CSMD1: variants seen among roughly 807,000 people sequenced by gnomAD.
The protein encoded by CSMD1 is CUB and Sushi multiple domains 1, also known as CUB and sushi domain-containing protein 1.
A neutral mutation model predicts 417.5 loss-of-function variants in CSMD1; 213 were observed. That is an observed-to-expected ratio of 0.51 (90% CI 0.46 to 0.57). The LOEUF (loss-of-function observed/expected upper bound fraction) is 0.57, where lower values mean the gene tolerates loss of function less well. CSMD1 is among the 20% of genes least tolerant of loss of function. The pLI is 0.00. For missense variants in CSMD1, 6,923 were observed against 4,529.7 expected, an observed-to-expected ratio of 1.53 and a Z score of -15.17; for synonymous variants, 2,862 against 1,736.8, an observed-to-expected ratio of 1.65 and a Z score of -16.11.
At chr8:4,712,544 TAGTA>T (rs1215303654) in intron 1 of CSMD1, among the ~76,000 whole-genome samples, 1 of 152,168 alleles carries the variant, frequency 6.6e-6, no homozygotes, top group African/African-American at 2.4e-5. Flanking sequence ...AGAGCAAAGA[TAGTA>T]AGTGAAATAG....
intron 3 of CSMD1, among the ~76,000 whole-genome samples, chr8:4,235,569 A>G (rs114515621): frequency 2.1e-3 from 314 of 152,282 alleles, no homozygotes; most frequent in African/African-American, 7.2e-3. Flanking sequence ...TTGTGCTTTT[A>G]TAAAGAATTC....
intron 2 of CSMD1, among the ~76,000 whole-genome samples, chr8:4,622,756 T>A (rs1801857306): frequency 6.6e-6 from 1 of 152,092 alleles, no homozygotes; most frequent in South Asian, 2.1e-4. Context: ...TGCAACATTG[T>A]ACTGAAGGAG....
chr8:4,840,694 C>A (rs1279475375), intron 1 of CSMD1, among the ~76,000 whole-genome samples: 1 of 152,176 alleles, frequency 6.6e-6, no homozygotes. Flanking sequence ...TCAGTGCCTG[C>A]AAGAGACAAC....
intron 7 of CSMD1, among the ~76,000 whole-genome samples, chr8:3,631,336 C>T (rs992393689): frequency 1.3e-5 from 2 of 152,286 alleles, no homozygotes; most frequent in East Asian, 3.9e-4. Context: ...CATTCTGAGT[C>T]TGCACAGAGA....
At chr8:4,092,638 T>A (rs117717635) in intron 3 of CSMD1, among the ~76,000 whole-genome samples, 1,748 of 152,314 alleles carry the variant, frequency 0.011, 14 homozygotes, top group Non-Finnish European at 0.017. Flanking sequence ...GAATTAAGAA[T>A]GTATTAAATC....
intron 5 of CSMD1, among the ~76,000 whole-genome samples, chr8:3,871,903 A>G (rs1359632483): frequency 1.3e-5 from 2 of 152,222 alleles, no homozygotes; most frequent in Non-Finnish European, 2.9e-5. Context: ...AAATAAAGAT[A>G]AAATGAATTA....
At chr8:4,668,415 C>CATTATT (rs35735246) in intron 1 of CSMD1, among the ~76,000 whole-genome samples, 11,407 of 129,836 alleles carry the variant, frequency 0.088, 578 homozygotes, top group East Asian at 0.14. Context: ...TGATGTTTTC[C>CATTATT]ATTATTATTA....
At chr8:3,876,470 C>G (rs903115098) in intron 5 of CSMD1, among the ~76,000 whole-genome samples, 1 of 152,184 alleles carries the variant, frequency 6.6e-6, no homozygotes, top group East Asian at 1.9e-4. Context: ...TTGGAGAGTC[C>G]TAACAGAATT....
Position 3,500,461 on chromosome 8 carries a change from C to T in CSMD1, c.1345-6735G>A, listed in dbSNP as rs76405929. 2.7e-3 allele frequency among the ~76,000 whole-genome samples: 412 copies of T among 152,128 alleles called. 1 individual carries two copies. Among genetic ancestry groups the T allele is most frequent in the African/African-American group, 9.4e-3 (389 of 41,498 alleles). On this transcript the variant is annotated intron_variant, in intron 10 of 69. Coordinates refer to ENST00000635120, the MANE Select transcript of CSMD1 (RefSeq NM_033225.6). ...GGGGGTCCCTAACCACAGATGCCAC[C>T]TAAAATACTAAGACTCTGTCAGAGT...
chr8:3,631,986 C>G (rs1431660926), intron 7 of CSMD1, among the ~76,000 whole-genome samples: 1 of 152,196 alleles, frequency 6.6e-6, no homozygotes, highest in Non-Finnish European at 1.5e-5. Context: ...ACATTGTACA[C>G]TTAGAAATTA....
chr8:3,978,936 G>T (rs1048254099), intron 5 of CSMD1, among the ~76,000 whole-genome samples: 6 of 152,214 alleles, frequency 3.9e-5, no homozygotes, highest in Admixed American at 3.9e-4. Flanking sequence ...GCATTTCATT[G>T]CCAGCCACAG....
Position 3,096,998 on chromosome 8 carries a change from C to T in CSMD1, c.6989G>A (p.Gly2330Glu). Residue 2330 changes from glycine to glutamate, a missense_variant, in exon 47 of 70, where the codon GGA becomes GAA. Physicochemically the swap from Gly to Glu is moderately conservative, Grantham distance 98. Transcript: ENST00000635120. ...CGGATACCCTGGACTGAGAATGACT[C>T]CCGATGATCCAGTCCGGACTTCATT... ...PANEVRTGSS[G>E]VILSPGYPGN... 6.4e-7 allele frequency: 1 copy of T among 1,555,350 alleles called. No homozygotes were observed. The highest frequency in any genetic ancestry group is 8.7e-7 in the Non-Finnish European group (1 of 1,148,736).
chr8:4,297,023 G>A (rs1233559067), intron 3 of CSMD1, among the ~76,000 whole-genome samples: 1 of 152,158 alleles, frequency 6.6e-6, no homozygotes, highest in African/African-American at 2.4e-5. Flanking sequence ...TGCTGGGAAA[G>A]AGTAATGCTA....
intron 41 of CSMD1, among the ~76,000 whole-genome samples, chr8:3,125,591 T>A (rs1437543282): frequency 2.0e-5 from 3 of 152,242 alleles, no homozygotes; most frequent in Non-Finnish European, 4.4e-5. Context: ...AGGTCACAAC[T>A]TCTGCATCCC....
chr8:3,499,005 G>A (rs948441066), intron 10 of CSMD1, among the ~76,000 whole-genome samples: 1 of 151,992 alleles, frequency 6.6e-6, no homozygotes, highest in African/African-American at 2.4e-5. Context: ...CCTTTTCTTT[G>A]GGATATGGAA....
chr8:3,061,077 T>G (rs1320207271), intron 49 of CSMD1, among the ~76,000 whole-genome samples: 1 of 152,208 alleles, frequency 6.6e-6, no homozygotes, highest in Non-Finnish European at 1.5e-5. Flanking sequence ...AGAAACAGAA[T>G]AGGATGCTTG....
intron 2 of CSMD1, among the ~76,000 whole-genome samples, chr8:4,535,994 A>T (rs899410935): frequency 1.5e-5 from 2 of 135,324 alleles, no homozygotes; most frequent in Admixed American, 1.8e-4. Context: ...AATAAATAAA[A>T]GTTTCAGAAT....
intron 1 of CSMD1, among the ~76,000 whole-genome samples, chr8:4,705,088 T>C (rs1398856407): frequency 2.0e-5 from 3 of 152,178 alleles, no homozygotes; most frequent in Admixed American, 6.5e-5. Flanking sequence ...GATGGTTTTA[T>C]AAGTGTTTGA....
intron 3 of CSMD1, among the ~76,000 whole-genome samples, chr8:4,418,101 G>A (rs7831429): frequency 6.6e-6 from 1 of 151,574 alleles, no homozygotes; most frequent in African/African-American, 2.4e-5. Flanking sequence ...ATACAATTTT[G>A]GTTTAGCCAA....
Sources: gnomAD v4.1 joint callset for allele counts (sites outside exome capture counted in the v4.1 genomes callset) on GRCh38, gnomAD v4.1.1 for gene constraint, MANE v1.5 for transcripts, NCBI Gene and HGNC (gene_info 2026-07-23, HGNC 2026-07-21) for gene names.